LHFPL7: variants seen among roughly 807,000 people sequenced by gnomAD.
LHFPL7 encodes the protein LHFPL tetraspan subfamily member 7, also known as LHFPL tetraspan subfamily member 7 protein.
the LHFPL7 span, among the ~76,000 whole-genome samples, chr22:24,942,878 C>T: frequency 6.8e-6 from 1 of 146,270 alleles, no homozygotes; most frequent in Non-Finnish European, 1.5e-5. Flanking sequence ...TGTTGTGAAG[C>T]TTCAAGGGGA....
chr22:24,937,894 GAAAC>G, the LHFPL7 span, among the ~76,000 whole-genome samples: 3 of 152,116 alleles, frequency 2.0e-5, no homozygotes, highest in Non-Finnish European at 4.4e-5. Context: ...GGATGAGCGA[GAAAC>G]AAAGGGGGAC....
the LHFPL7 span, among the ~76,000 whole-genome samples, chr22:24,940,608 A>T: frequency 5.3e-5 from 6 of 114,106 alleles, no homozygotes; most frequent in Admixed American, 1.9e-4. Context: ...AAAAAAAAAA[A>T]TAATAATAAT....
the LHFPL7 span, among the ~76,000 whole-genome samples, chr22:24,940,595 CAAA>C: frequency 8.0e-6 from 1 of 124,396 alleles, no homozygotes. Flanking sequence ...GACTCCGTCT[CAAA>C]AAAAAAAAAA....
At chr22:24,938,144 T>C in the LHFPL7 span, 1 of 1,613,844 alleles carries the variant, frequency 6.2e-7, no homozygotes, top group Non-Finnish European at 8.5e-7. Flanking sequence ...GTGCATTGGA[T>C]TTACCTGCCA....
chr22:24,941,773 G>T, the LHFPL7 span, among the ~76,000 whole-genome samples: 1 of 151,130 alleles, frequency 6.6e-6, no homozygotes, highest in South Asian at 2.1e-4. Flanking sequence ...TGGTTCAAGC[G>T]ATTCTCCTGC....
At chr22:24,938,217 GC>G in the LHFPL7 span, 20 of 1,613,766 alleles carry the variant, frequency 1.2e-5, 1 homozygote, top group South Asian at 2.2e-4. Context: ...GGGGGCCACA[GC>G]CCAAGACAGG....
At chr22:24,937,246 T>A in the LHFPL7 span, among the ~76,000 whole-genome samples, 1 of 152,210 alleles carries the variant, frequency 6.6e-6, no homozygotes, top group Non-Finnish European at 1.5e-5. Context: ...GGCAGTGATA[T>A]CTGAGCAGAG....
At chr22:24,936,024 A>G in the LHFPL7 span, among the ~76,000 whole-genome samples, 1 of 151,270 alleles carries the variant, frequency 6.6e-6, no homozygotes, top group Admixed American at 6.6e-5. Context: ...CCATCCACTT[A>G]ACAACCCACT....
the LHFPL7 span, chr22:24,939,380 G>A: frequency 1.8e-5 from 13 of 702,894 alleles, no homozygotes; most frequent in South Asian, 1.3e-4. Flanking sequence ...TGAAGGTCAC[G>A]CAGCTCTGGT....
chr22:24,935,866 CCTT>C, the LHFPL7 span, among the ~76,000 whole-genome samples: 1 of 152,274 alleles, frequency 6.6e-6, no homozygotes, highest in African/African-American at 2.4e-5. Flanking sequence ...ACACATCCAT[CCTT>C]CTGTCCATCT....
the LHFPL7 span, among the ~76,000 whole-genome samples, chr22:24,942,261 T>C: frequency 1.3e-5 from 2 of 152,238 alleles, no homozygotes; most frequent in Non-Finnish European, 2.9e-5. Context: ...CCCAAAGTGC[T>C]GGGATTACAG....
chr22:24,940,118 G>GA, the LHFPL7 span, among the ~76,000 whole-genome samples: 2 of 147,862 alleles, frequency 1.4e-5, no homozygotes, highest in Non-Finnish European at 3.0e-5. Flanking sequence ...TAGTAGAGAC[G>GA]GGTTCCACCG....
chr22:24,942,891 A>AAG, the LHFPL7 span, among the ~76,000 whole-genome samples: 56 of 103,974 alleles, frequency 5.4e-4, no homozygotes, highest in Admixed American at 9.0e-4. Flanking sequence ...CAAGGGGATA[A>AAG]AGTGTGTGTG....
the LHFPL7 span, among the ~76,000 whole-genome samples, chr22:24,937,209 G>A: frequency 6.6e-6 from 1 of 152,230 alleles, no homozygotes; most frequent in African/African-American, 2.4e-5. Flanking sequence ...AGATCCCTTA[G>A]CTAGAAGTCA....
the LHFPL7 span, among the ~76,000 whole-genome samples, chr22:24,945,570 A>C: frequency 6.6e-6 from 1 of 152,250 alleles, no homozygotes; most frequent in Non-Finnish European, 1.5e-5. Context: ...CTGCAGAAGG[A>C]ACATGTTTAC....
At chr22:24,940,279 C>A in the LHFPL7 span, among the ~76,000 whole-genome samples, 3 of 148,876 alleles carry the variant, frequency 2.0e-5, no homozygotes, top group Admixed American at 2.0e-4. Context: ...TGCTTCTACC[C>A]AGTCGGGGCA....
chr22:24,938,023 G>A, the LHFPL7 span: 1 of 1,388,786 alleles, frequency 7.2e-7, no homozygotes, highest in East Asian at 2.4e-5. Flanking sequence ...ACAATCCTAG[G>A]GTTTATCTCT....
chr22:24,937,103 G>A, the LHFPL7 span, among the ~76,000 whole-genome samples: 1 of 152,202 alleles, frequency 6.6e-6, no homozygotes. Context: ...GAGAAAGAGG[G>A]ACAATAATCA....
the LHFPL7 span, chr22:24,935,533 C>A: frequency 6.2e-7 from 1 of 1,613,892 alleles, no homozygotes; most frequent in Non-Finnish European, 8.5e-7. Context: ...TCGCACACTT[C>A]CTTGATGAAT....
Sources: allele counts gnomAD v4.1 joint callset (sites outside exome capture counted in the v4.1 genomes callset), GRCh38; gene constraint gnomAD v4.1.1; transcripts MANE v1.5; gene names NCBI Gene and HGNC (gene_info 2026-07-23, HGNC 2026-07-21).